TENM3: variants seen among roughly 807,000 people sequenced by gnomAD.
The protein encoded by TENM3 is teneurin transmembrane protein 3, also known as teneurin-3.
In TENM3, 63 loss-of-function variants were observed where a neutral mutation model predicts 255.1. The observed-to-expected ratio is 0.25, with a 90% confidence interval of 0.20 to 0.30. The LOEUF is 0.30. Among genes scored for constraint, TENM3 ranks in the 10% least tolerant of loss-of-function variants. The pLI is 1.00. For synonymous variants in TENM3, 1,306 were observed against 1,322.3 expected, an observed-to-expected ratio of 0.99 and a Z score of 0.27; for missense variants, 2,929 against 3,461.1, an observed-to-expected ratio of 0.85 and a Z score of 3.86.
chr4:182,656,381 G>T (rs1042744311), intron 6 of TENM3, among the ~76,000 whole-genome samples: 1 of 152,126 alleles, frequency 6.6e-6, no homozygotes, highest in Non-Finnish European at 1.5e-5. Flanking sequence ...TCTTGTTTCT[G>T]ATTTTCCAAA....
chr4:182,327,099 A>G (rs1161174121), intron 2 of TENM3, among the ~76,000 whole-genome samples: 1 of 152,214 alleles, frequency 6.6e-6, no homozygotes, highest in African/African-American at 2.4e-5. Context: ...AGCAAGCATA[A>G]TGAGAAATCC....
At chr4:181,452,375 T>C in the TENM3 span, among the ~76,000 whole-genome samples, 1 of 152,248 alleles carries the variant, frequency 6.6e-6, no homozygotes, top group East Asian at 1.9e-4. Context: ...GTTCCCATAA[T>C]CCCCTCGTGT....
intron 3 of TENM3, among the ~76,000 whole-genome samples, chr4:182,573,079 C>T (rs1170962678): frequency 1.3e-5 from 2 of 152,148 alleles, no homozygotes; most frequent in Non-Finnish European, 2.9e-5. Flanking sequence ...TTTGCATTCT[C>T]CTTAAACCTC....
At chr4:181,658,005 GAAGAGACA>G in the TENM3 span, among the ~76,000 whole-genome samples, 3 of 152,052 alleles carry the variant, frequency 2.0e-5, no homozygotes, top group East Asian at 5.8e-4. Flanking sequence ...GGAAGGGAGG[GAAGAGACA>G]AAGGCTAAAA....
the TENM3 span, among the ~76,000 whole-genome samples, chr4:181,698,715 C>A: frequency 1.3e-5 from 2 of 152,180 alleles, no homozygotes; most frequent in Non-Finnish European, 2.9e-5. Context: ...TTCGTTAGAC[C>A]TCAATTTCCA....
chr4:182,197,472 A>G (rs1753900734), intron 1 of TENM3, among the ~76,000 whole-genome samples: 1 of 152,166 alleles, frequency 6.6e-6, no homozygotes. Flanking sequence ...GATATTATTC[A>G]GAGGATAAAA....
intron 3 of TENM3, among the ~76,000 whole-genome samples, chr4:182,565,436 G>A (rs1331464876): frequency 2.6e-5 from 4 of 152,058 alleles, no homozygotes; most frequent in South Asian, 2.1e-4. Flanking sequence ...TATAATTATG[G>A]TTCAGAAGCA....
the TENM3 span, among the ~76,000 whole-genome samples, chr4:181,842,525 T>G: frequency 2.6e-3 from 391 of 152,330 alleles, 1 homozygote; most frequent in Non-Finnish European, 4.5e-3. Context: ...ATTTTAAATA[T>G]TTCTCTGCAA....
the TENM3 span, among the ~76,000 whole-genome samples, chr4:182,132,837 G>A: frequency 6.6e-6 from 1 of 152,086 alleles, no homozygotes; most frequent in Non-Finnish European, 1.5e-5. Context: ...TTGGGCTCTG[G>A]AAAAAGTGTA....
chr4:181,911,242 T>C, the TENM3 span, among the ~76,000 whole-genome samples: 1 of 152,178 alleles, frequency 6.6e-6, no homozygotes, highest in South Asian at 2.1e-4. Context: ...AAGCTGCATT[T>C]CCAATGAACT....
the TENM3 span, among the ~76,000 whole-genome samples, chr4:182,112,893 A>G: frequency 6.6e-6 from 1 of 152,202 alleles, no homozygotes; most frequent in East Asian, 1.9e-4. Context: ...ATTGCTAGTT[A>G]AGGAACAGCT....
At chr4:181,721,812 T>G in the TENM3 span, among the ~76,000 whole-genome samples, 1 of 151,946 alleles carries the variant, frequency 6.6e-6, no homozygotes, top group Non-Finnish European at 1.5e-5. Flanking sequence ...CAAGACAGCG[T>G]GTAGCCTCTC....
At chr4:181,920,508 GTTTTTTGGCTGCATAAATGTCTTCTC>G in the TENM3 span, among the ~76,000 whole-genome samples, 1 of 152,192 alleles carries the variant, frequency 6.6e-6, no homozygotes, top group South Asian at 2.1e-4. Context: ...TTTTTCATGT[GTTTTTTGGCTGCATAAATGTCTTCTC>G]TTGAGAAGTG....
chr4:181,602,518 A>G, the TENM3 span, among the ~76,000 whole-genome samples: 2 of 152,224 alleles, frequency 1.3e-5, no homozygotes, highest in Admixed American at 1.3e-4. Context: ...TAAACTTGAA[A>G]TGGAAATTCT....
At chr4:182,305,211 C>A (rs1762067280) in intron 1 of TENM3, among the ~76,000 whole-genome samples, 1 of 147,342 alleles carries the variant, frequency 6.8e-6, no homozygotes, top group South Asian at 2.1e-4. Flanking sequence ...GTAAACAGAT[C>A]TAAAAAAAAA....
At chr4:182,066,743 C>T in the TENM3 span, among the ~76,000 whole-genome samples, 654 of 151,704 alleles carry the variant, frequency 4.3e-3, 3 homozygotes, top group Middle Eastern at 0.027. Flanking sequence ...ACCCCGTCTC[C>T]ACTAAAAATA....
the TENM3 span, among the ~76,000 whole-genome samples, chr4:182,137,904 T>C: frequency 2.6e-5 from 4 of 152,234 alleles, no homozygotes; most frequent in Admixed American, 6.5e-5. Flanking sequence ...AGAATTCTGT[T>C]GTATTCTTAA....
intron 19 of TENM3, among the ~76,000 whole-genome samples, chr4:182,749,845 G>C (rs1266002164): frequency 6.6e-6 from 1 of 152,142 alleles, no homozygotes; most frequent in Non-Finnish European, 1.5e-5. Context: ...GTATAATCAG[G>C]GAGGTAGGAA....
chr4:181,646,402 A>G, the TENM3 span, among the ~76,000 whole-genome samples: 2 of 152,178 alleles, frequency 1.3e-5, no homozygotes, highest in Non-Finnish European at 1.5e-5. Context: ...TGAAGGGAAA[A>G]AAGTCAAAAC....
Sources: allele counts gnomAD v4.1 joint callset (sites outside exome capture counted in the v4.1 genomes callset), GRCh38; gene constraint gnomAD v4.1.1; transcripts MANE v1.5; gene names NCBI Gene and HGNC (gene_info 2026-07-23, HGNC 2026-07-21).